PKP4: variants seen among roughly 807,000 people sequenced by gnomAD.
PKP4 encodes plakophilin 4, also known as plakophilin-4.
Under a neutral mutation model 145.1 loss-of-function variants are expected in PKP4, and 90 were observed. That is an observed-to-expected ratio of 0.62 (90% confidence interval 0.52 to 0.74). The LOEUF (loss-of-function observed/expected upper bound fraction) is 0.74, where lower values mean the gene tolerates loss of function less well. Among genes scored for constraint, PKP4 ranks in the 30% least tolerant of loss-of-function variants. PKP4 has a pLI of 0.00. For missense variants in PKP4, 1,340 were observed against 1,482.7 expected (o/e 0.90, Z 1.58); for synonymous variants, 563 against 577.2 (o/e 0.98, Z 0.35).
intron 2 of PKP4, among the ~76,000 whole-genome samples, chr2:158,567,454 A>G (rs181078846): frequency 2.1e-3 from 319 of 152,310 alleles, no homozygotes; most frequent in African/African-American, 3.1e-3. Context: ...AAGTAGTTTT[A>G]TGGGTTGGGT....
chr2:158,468,758 T>TTTC (rs1158162984), intron 1 of PKP4, among the ~76,000 whole-genome samples: 10 of 126,152 alleles, frequency 7.9e-5, no homozygotes, highest in South Asian at 2.9e-4. Context: ...GACATTTTCT[T>TTTC]TTCTTCTTCT....
chr2:158,626,461 T>C lies in PKP4; in HGVS notation c.1153+1034T>C, dbSNP rs184302242. 8.5e-3 allele frequency among the ~76,000 whole-genome samples: 1,292 copies of C among 152,346 alleles called. 9 individuals carry two copies. Among genetic ancestry groups the C allele is most frequent in the Non-Finnish European group, 0.013 (888 of 68,024 alleles). On this transcript the variant is annotated intron_variant, in intron 7 of 21. Coordinates refer to ENST00000389759, the MANE Select transcript of PKP4 (RefSeq NM_003628.6). ...GTTTGTTATGTTTAGCTGTTAGAGA[T>C]GATGTAGTACATACATTGTTCTCCC...
intron 1 of PKP4, among the ~76,000 whole-genome samples, chr2:158,483,618 T>C (rs1559205212): frequency 6.6e-6 from 1 of 152,184 alleles, no homozygotes; most frequent in Non-Finnish European, 1.5e-5. Flanking sequence ...TGGGGGGATC[T>C]ACTATCTGGA....
intron 4 of PKP4, among the ~76,000 whole-genome samples, chr2:158,608,266 T>A (rs999702939): frequency 6.6e-6 from 1 of 152,202 alleles, no homozygotes; most frequent in African/African-American, 2.4e-5. Context: ...TCCTTTAAAT[T>A]AAAGTTTTCA....
rs540164328 is a variant in PKP4 at position 158,553,203 on chromosome 2, A to G, written c.132+19887A>G. On this transcript the variant is annotated intron_variant, in intron 2 of 21. Coordinates refer to ENST00000389759, the MANE Select transcript of PKP4 (RefSeq NM_003628.6). ...TCAAGCAAAAATGAATCACAGTTTG[A>G]TAATTTGGAAAATTCTCAGCCTATC... Among the ~76,000 whole-genome samples the G allele has an allele frequency of 5.2e-5, 8 of 152,390 alleles. No homozygotes were observed. In the South Asian group the frequency reaches 1.7e-3, roughly 32 times the overall value.
At chr2:158,625,758 A>G (rs1268176050) in intron 7 of PKP4, among the ~76,000 whole-genome samples, 1 of 152,114 alleles carries the variant, frequency 6.6e-6, no homozygotes, top group African/African-American at 2.4e-5. Context: ...TTTTAATGAA[A>G]TATTTTTTAC....
At chr2:158,668,286 T>C (rs2057283618) in intron 16 of PKP4, among the ~76,000 whole-genome samples, 1 of 152,176 alleles carries the variant, frequency 6.6e-6, no homozygotes, top group Admixed American at 6.5e-5. Flanking sequence ...ATTCAGTATT[T>C]GGCTCTAATT....
chr2:158,596,309 G>A (rs1009400228), intron 3 of PKP4, among the ~76,000 whole-genome samples: 3 of 152,176 alleles, frequency 2.0e-5, no homozygotes, highest in Admixed American at 6.5e-5. Flanking sequence ...GATTTCATCT[G>A]TAAACGTGGG....
chr2:158,645,094 C>T (rs1022275557), intron 11 of PKP4, among the ~76,000 whole-genome samples: 2 of 152,084 alleles, frequency 1.3e-5, no homozygotes, highest in African/African-American at 4.8e-5. Flanking sequence ...TTAATATTCC[C>T]TTGTACTCTA....
At chr2:158,581,474 T>C (rs747958087) in intron 3 of PKP4, among the ~76,000 whole-genome samples, 1 of 152,232 alleles carries the variant, frequency 6.6e-6, no homozygotes, top group Non-Finnish European at 1.5e-5. Context: ...CATTTGTTTT[T>C]ATTTACCTTT....
chr2:158,532,433 T>C (rs2043646634), intron 1 of PKP4, among the ~76,000 whole-genome samples: 1 of 152,216 alleles, frequency 6.6e-6, no homozygotes, highest in Admixed American at 6.5e-5. Context: ...TTTCATGGTA[T>C]GATAAAGACT....
At chr2:158,664,925 C>A (rs2056940781) in intron 15 of PKP4, among the ~76,000 whole-genome samples, 1 of 133,764 alleles carries the variant, frequency 7.5e-6, no homozygotes, top group South Asian at 2.8e-4. Flanking sequence ...CTTCTGTGAC[C>A]AGAGGATCAT....
chr2:158,567,512 T>C (rs75760143), intron 2 of PKP4, among the ~76,000 whole-genome samples: 12,650 of 152,204 alleles, frequency 0.083, 741 homozygotes, highest in Middle Eastern at 0.22. Flanking sequence ...TTAGGACAGA[T>C]TGAGATGATT....
intron 1 of PKP4, among the ~76,000 whole-genome samples, chr2:158,474,651 C>T (rs759354533): frequency 2.2e-4 from 34 of 152,116 alleles, no homozygotes; most frequent in African/African-American, 5.8e-4. Context: ...CTAAGGAAGA[C>T]GGGTTTTTTG....
chr2:158,564,401 G>A (rs369626474), intron 2 of PKP4, among the ~76,000 whole-genome samples: 1 of 152,118 alleles, frequency 6.6e-6, no homozygotes, highest in Non-Finnish European at 1.5e-5. Context: ...AGATGCCATC[G>A]TTTGTTACAA....
At chr2:158,662,861 G>T in intron 13 of PKP4, 36 bp from the exon 14 acceptor site, 1 of 1,552,872 alleles carries the variant, frequency 6.4e-7, no homozygotes, top group South Asian at 1.2e-5. Flanking sequence ...CTAATGTGCC[G>T]AGTTGTTTTT....
chr2:158,478,003 A>G (rs1022799588), intron 1 of PKP4, among the ~76,000 whole-genome samples: 5 of 152,168 alleles, frequency 3.3e-5, no homozygotes, highest in African/African-American at 1.2e-4. Context: ...CTCAGTTCTT[A>G]TGTTCTAAGA....
chr2:158,513,416 C>G (rs2105535237), intron 1 of PKP4, among the ~76,000 whole-genome samples: 1 of 152,144 alleles, frequency 6.6e-6, no homozygotes, highest in South Asian at 2.1e-4. Flanking sequence ...CTTAAGTAGC[C>G]CACTTGGACA....
intron 19 of PKP4, among the ~76,000 whole-genome samples, chr2:158,676,301 C>T (rs917341658): frequency 2.6e-5 from 4 of 152,190 alleles, no homozygotes; most frequent in Non-Finnish European, 4.4e-5. Flanking sequence ...AAGAGCTATA[C>T]ATAAAGGATA....
Sources: allele counts gnomAD v4.1 joint callset (sites outside exome capture counted in the v4.1 genomes callset), GRCh38; gene constraint gnomAD v4.1.1; transcripts MANE v1.5; gene names NCBI Gene and HGNC (gene_info 2026-07-23, HGNC 2026-07-21).